RBMS1: variants seen among roughly 807,000 people sequenced by gnomAD.
RBMS1 encodes RNA-binding motif, single-stranded-interacting protein 1.
Under a neutral mutation model 62.3 loss-of-function variants are expected in RBMS1, and 17 were observed. That is an observed-to-expected ratio of 0.27 (90% CI 0.19 to 0.41). The LOEUF (loss-of-function observed/expected upper bound fraction) is 0.41, where lower values mean the gene tolerates loss of function less well. Ranked by LOEUF, RBMS1 falls within the 10% of genes least tolerant of loss-of-function variation. The pLI is 1.00. For missense variants in RBMS1, 334 were observed against 504.5 expected (o/e 0.66, Z 3.24); for synonymous variants, 172 against 170.0 (o/e 1.01, Z -0.09).
Position 160,316,134 on chromosome 2 carries a change from T to A in RBMS1, c.310+2035A>T, listed in dbSNP as rs117171103. 1.9e-3 allele frequency among the ~76,000 whole-genome samples: 294 copies of A among 152,312 alleles called. 6 individuals carry two copies. The East Asian group carries it at 0.049, about 26-fold the overall frequency. The stretch of plus-strand genomic sequence containing the variant: ...ATCTATATGCCTATCTATCTACCTA[T>A]CACGTCAAGTTATCTTGGGTAACAT... On this transcript the variant is annotated intron_variant, in intron 3 of 13. Transcript: ENST00000348849.
In RBMS1 at chr2:160,310,984, A is replaced by C. The variant is rs529234653; in HGVS notation, c.402+2172T>G. 1.6e-4 allele frequency among the ~76,000 whole-genome samples: 24 copies of C among 152,046 alleles called. 1 individual carries two copies. Among genetic ancestry groups the C allele is most frequent in the African/African-American group, 5.8e-4 (24 of 41,472 alleles). On this transcript the variant is annotated intron_variant, in intron 4 of 13. Transcript: ENST00000348849. Reference sequence around the variant, plus strand: ...TGAGGTGGGCAGATCACTTGAGATCAGGAGTTCAAGACCAGCCTGGCCAAC... The same window carrying C: ...TGAGGTGGGCAGATCACTTGAGATCCGGAGTTCAAGACCAGCCTGGCCAAC...
At position 160,488,339 on chromosome 2, in the gene RBMS1, G is replaced by A. The variant is rs183482283; in HGVS notation, c.75+4950C>T. ...GCCTGTAATCCCAGCACTTTGAAAGGAGGCTGAGGCGGCGGATCACGAGGT... is the reference window on the plus strand; with the variant it reads ...GCCTGTAATCCCAGCACTTTGAAAGAAGGCTGAGGCGGCGGATCACGAGGT... On this transcript the variant is annotated intron_variant, in intron 1 of 13. Transcript: ENST00000348849. Among the ~76,000 whole-genome samples the A allele has an allele frequency of 2.4e-3, 360 of 152,282 alleles. 6 individuals are homozygous for A. Among genetic ancestry groups the A allele is most frequent in the African/African-American group, 8.1e-3 (338 of 41,562 alleles).
chr2:160,390,685 T>G, intron 1 of RBMS1, among the ~76,000 whole-genome samples: 1 of 97,434 alleles, frequency 1.0e-5, no homozygotes, highest in Non-Finnish European at 1.9e-5. Context: ...TGAGACCCAG[T>G]CTCAAAAAAA....
intron 2 of RBMS1, among the ~76,000 whole-genome samples, chr2:160,357,397 G>A (rs1308439634): frequency 1.3e-5 from 2 of 152,014 alleles, no homozygotes; most frequent in Non-Finnish European, 2.9e-5. Context: ...AAAGAAAAAG[G>A]TCAACTGACA....
At chr2:160,481,120 C>G (rs575002801) in intron 1 of RBMS1, among the ~76,000 whole-genome samples, 1 of 147,356 alleles carries the variant, frequency 6.8e-6, no homozygotes, top group East Asian at 2.0e-4. Flanking sequence ...GAAGAAGAAC[C>G]ACACAAACAT....
At chr2:160,370,486 G>C (rs1573947543) in intron 1 of RBMS1, among the ~76,000 whole-genome samples, 1 of 152,248 alleles carries the variant, frequency 6.6e-6, no homozygotes, top group South Asian at 2.1e-4. Context: ...TACAGACTCT[G>C]CTGAGTACTT....
intron 1 of RBMS1, chr2:160,407,404 G>A (rs1348621743): frequency 2.0e-6 from 2 of 985,740 alleles, no homozygotes; most frequent in African/African-American, 1.7e-5. Context: ...CCCTGAGCGC[G>A]GCCCCCTTTG....
intron 2 of RBMS1, among the ~76,000 whole-genome samples, chr2:160,344,522 A>G (rs1473230252): frequency 6.6e-6 from 1 of 152,152 alleles, no homozygotes; most frequent in Non-Finnish European, 1.5e-5. Flanking sequence ...TGAACACTTT[A>G]GTCTACGACT....
chr2:160,336,124 A>G (rs1269213367), intron 2 of RBMS1, among the ~76,000 whole-genome samples: 1 of 152,184 alleles, frequency 6.6e-6, no homozygotes, highest in Non-Finnish European at 1.5e-5. Context: ...CAAAAACAAA[A>G]AGTGAAAAAT....
intron 1 of RBMS1, among the ~76,000 whole-genome samples, chr2:160,461,896 C>A (rs980271832): frequency 2.0e-5 from 3 of 152,186 alleles, no homozygotes; most frequent in African/African-American, 7.2e-5. Flanking sequence ...CCATTTGCTT[C>A]GTTGTAAAAC....
chr2:160,409,976 C>T (rs1299170815), intron 1 of RBMS1, among the ~76,000 whole-genome samples: 1 of 152,032 alleles, frequency 6.6e-6, no homozygotes, highest in Non-Finnish European at 1.5e-5. Flanking sequence ...CGCCTGTAAT[C>T]CCAGCACTTT....
At chr2:160,391,871 G>A (rs1186858114) in intron 1 of RBMS1, among the ~76,000 whole-genome samples, 3 of 151,946 alleles carry the variant, frequency 2.0e-5, no homozygotes, top group African/African-American at 7.3e-5. Context: ...TCAGCTACTC[G>A]GGAGGCTGAG....
rs201054590 is a variant in RBMS1, at chr2:160,387,837, A to G, written c.76-20446T>C. ...TGGCAGACATTAGACAGGAAAAAAA[A>G]AAAGAAAAGAAAAAGCTTTTCCTTA... On this transcript the variant is annotated intron_variant, in intron 1 of 13. Coordinates refer to ENST00000348849, the MANE Select transcript of RBMS1 (RefSeq NM_016836.4). Among the ~76,000 whole-genome samples, 13 of 152,214 alleles carry G rather than the reference A, an allele frequency of 8.5e-5. No individual in the cohort carries two copies. The East Asian group carries it at 2.5e-3, about 29-fold the overall frequency.
At chr2:160,323,264 T>C (rs763037651) in intron 2 of RBMS1, among the ~76,000 whole-genome samples, 11 of 151,836 alleles carry the variant, frequency 7.2e-5, no homozygotes, top group Admixed American at 2.0e-4. Flanking sequence ...CTGCTTGAGC[T>C]TAGAAGATCG....
chr2:160,439,685 T>C (rs1215326475), intron 1 of RBMS1, among the ~76,000 whole-genome samples: 3 of 152,048 alleles, frequency 2.0e-5, no homozygotes, highest in African/African-American at 4.8e-5. Flanking sequence ...TCTCGGCACT[T>C]TGGGAGGCCA....
At chr2:160,377,611 T>A (rs1694069380) in intron 1 of RBMS1, among the ~76,000 whole-genome samples, 1 of 152,186 alleles carries the variant, frequency 6.6e-6, no homozygotes, top group South Asian at 2.1e-4. Context: ...AAACCCAGTA[T>A]CTGCTCAGAA....
At chr2:160,279,861 C>G (rs567371149) in intron 10 of RBMS1, 1 of 152,232 alleles carries the variant, frequency 6.6e-6, no homozygotes, top group African/African-American at 2.4e-5. Context: ...CAGATAGCAA[C>G]CTTCTGCTTA....
intron 1 of RBMS1, among the ~76,000 whole-genome samples, chr2:160,408,838 T>C (rs1283150323): frequency 6.6e-6 from 1 of 152,226 alleles, no homozygotes; most frequent in Non-Finnish European, 1.5e-5. Context: ...CTGCGGTCTC[T>C]GGATAAGCCA....
At chr2:160,293,609 C>A (rs150718937) in intron 6 of RBMS1, among the ~76,000 whole-genome samples, 133 of 152,242 alleles carry the variant, frequency 8.7e-4, no homozygotes, top group African/African-American at 3.1e-3. Context: ...GTTCAGAAAG[C>A]GAGATGGGAA....
Sources: allele counts gnomAD v4.1 joint callset (sites outside exome capture counted in the v4.1 genomes callset), GRCh38; gene constraint gnomAD v4.1.1; transcripts MANE v1.5; gene names NCBI Gene and HGNC (gene_info 2026-07-23, HGNC 2026-07-21).